PRRG4: variants seen among roughly 807,000 people sequenced by gnomAD.
PRRG4 encodes proline rich and Gla domain 4.
A neutral mutation model predicts 20.0 loss-of-function variants in PRRG4; 12 were observed. The observed-to-expected ratio is 0.60, with a 90% CI of 0.38 to 0.97. The LOEUF (loss-of-function observed/expected upper bound fraction) is 0.97, where lower values mean the gene tolerates loss of function less well. Among genes scored for constraint, PRRG4 ranks in the 50% least tolerant of loss-of-function variants. The pLI is 0.00. For synonymous variants in PRRG4, 94 were observed against 96.4 expected (o/e 0.98, Z 0.15); for missense variants, 199 against 265.1 (o/e 0.75, Z 1.73).
At chr11:32,834,078 G>T (rs944382629) in intron 2 of PRRG4, among the ~76,000 whole-genome samples, 1 of 152,188 alleles carries the variant, frequency 6.6e-6, no homozygotes, top group Non-Finnish European at 1.5e-5. Flanking sequence ...GGGAGATGAG[G>T]TTAGAGAGGT....
In PRRG4 at chr11:32,857,841, TG is replaced by T. The variant is rs1851239179; in HGVS notation, c.*4316del. The T allele has an allele frequency of 6.6e-6, 1 of 152,214 alleles. No homozygotes were observed. The highest frequency in any genetic ancestry group is 1.5e-5 in the Non-Finnish European group (1 of 68,030). The allele number at this position is 152,214 out of a possible 1,614,324, so 9.4% of individuals were successfully genotyped here. A position where few individuals can be genotyped will look rare whatever the true frequency, so the allele number is the denominator to read the frequency against. ...GATTCTTTTGTAGATTCTGCCTGTG[TG>T]GTCATTTTAAAACATGTGTGACATA... On this transcript the variant is annotated 3_prime_UTR_variant, in exon 6 of 6. Transcript: ENST00000257836.
rs1851231334 is a variant in PRRG4, at chr11:32,856,943, C to T, written c.*3416C>T. ...AACTTCGGGGCTCAAGCAATCCTCCCACCTCAGCCTCCTAAGTAGCTGGGA... is the reference window on the plus strand; with the variant it reads ...AACTTCGGGGCTCAAGCAATCCTCCTACCTCAGCCTCCTAAGTAGCTGGGA... On this transcript the variant is annotated 3_prime_UTR_variant, in exon 6 of 6. Transcript: ENST00000257836. 6.6e-6 allele frequency: 1 copy of T among 152,232 alleles called. No homozygotes were observed. Among genetic ancestry groups the T allele is most frequent in the African/African-American group, 2.4e-5 (1 of 41,340 alleles). 9.4% of individuals were successfully genotyped at this position (152,232 alleles called of 1,614,324 possible).
chr11:32,841,590 G>C (rs937683809), intron 5 of PRRG4, among the ~76,000 whole-genome samples: 2 of 152,152 alleles, frequency 1.3e-5, no homozygotes, highest in East Asian at 3.8e-4. Context: ...CTTGAGGCCA[G>C]GAGTTCAAGA....
At chr11:32,847,200 C>A (rs773355562) in intron 5 of PRRG4, among the ~76,000 whole-genome samples, 8 of 151,734 alleles carry the variant, frequency 5.3e-5, no homozygotes, top group Non-Finnish European at 8.8e-5. Flanking sequence ...AGTGCAATGG[C>A]AAATTACAGG....
chr11:32,834,499 C>G (rs1198194250), intron 2 of PRRG4, among the ~76,000 whole-genome samples: 1 of 152,078 alleles, frequency 6.6e-6, no homozygotes, highest in Non-Finnish European at 1.5e-5. Context: ...TTCAAATAGC[C>G]CCTATCTATT....
rs941279477 is a variant in PRRG4 at position 32,854,822 on chromosome 11, T to A, written c.*1295T>A. On this transcript the variant is annotated 3_prime_UTR_variant, in exon 6 of 6. Transcript: ENST00000257836. ...GTAGTTTTCTTCTTCTAAAAAATAC[T>A]ATTTGCTATGAAGTTAGTTCTTCAG... 17 of 152,224 alleles carry A rather than the reference T, an allele frequency of 1.1e-4. No individual in the cohort carries two copies. The highest frequency in any genetic ancestry group is 1.4e-4 in the African/African-American group (6 of 41,456). 9.4% of individuals were successfully genotyped at this position (152,224 alleles called of 1,614,324 possible).
intron 3 of PRRG4, 81 bp from the exon 4 acceptor site, chr11:32,838,801 C>T: frequency 3.0e-6 from 3 of 997,776 alleles, no homozygotes; most frequent in Admixed American, 1.7e-5. Flanking sequence ...AGTTTACTAC[C>T]CCTAGTCTAG....
chr11:32,852,772 CTTTTTTT>C (rs531547410), intron 5 of PRRG4, among the ~76,000 whole-genome samples: 1 of 126,702 alleles, frequency 7.9e-6, no homozygotes. Context: ...TCAGATTTCT[CTTTTTTT>C]TTTTTTTTTT....
intron 5 of PRRG4, among the ~76,000 whole-genome samples, chr11:32,845,748 C>T (rs1851124291): frequency 6.6e-6 from 1 of 151,932 alleles, no homozygotes; most frequent in African/African-American, 2.4e-5. Flanking sequence ...GAGGAATTAA[C>T]TAGGAAGGGG....
rs1333890531 is a variant in PRRG4, at chr11:32,856,441, T to C, written c.*2914T>C. 6.6e-6 allele frequency: 1 copy of C among 152,234 alleles called. No individual in the cohort carries two copies. Among genetic ancestry groups the C allele is most frequent in the Non-Finnish European group, 1.5e-5 (1 of 68,038 alleles). The allele number at this position is 152,234 out of a possible 1,614,324, so 9.4% of individuals were successfully genotyped here. On this transcript the variant is annotated 3_prime_UTR_variant, in exon 6 of 6. Transcript: ENST00000257836. Reference sequence around the variant, plus strand: ...GATAGAACTGTTATTGACAAATGCTTATAATGATTGAAGGGAAAGTATCTC... The same window carrying C: ...GATAGAACTGTTATTGACAAATGCTCATAATGATTGAAGGGAAAGTATCTC...
chr11:32,833,813 T>C (rs1177332710), intron 2 of PRRG4, among the ~76,000 whole-genome samples: 1 of 151,544 alleles, frequency 6.6e-6, no homozygotes, highest in African/African-American at 2.4e-5. Flanking sequence ...AACAGAGTGG[T>C]AACAAATAAG....
At chr11:32,841,691 T>A (rs1462060730) in intron 5 of PRRG4, among the ~76,000 whole-genome samples, 1 of 152,014 alleles carries the variant, frequency 6.6e-6, no homozygotes, top group Non-Finnish European at 1.5e-5. Flanking sequence ...GAGGCTGTAG[T>A]CTCATCTGCT....
chr11:32,841,586 G>A (rs1276737142), intron 5 of PRRG4, among the ~76,000 whole-genome samples: 2 of 152,030 alleles, frequency 1.3e-5, no homozygotes, highest in Non-Finnish European at 2.9e-5. Context: ...ATCACTTGAG[G>A]CCAGGAGTTC....
intron 5 of PRRG4, among the ~76,000 whole-genome samples, chr11:32,843,096 G>T (rs1195534441): frequency 5.9e-5 from 9 of 151,994 alleles, no homozygotes; most frequent in African/African-American, 1.9e-4. Context: ...ATCTGCTTCG[G>T]CCTCCCAAAG....
At chr11:32,832,129 C>T (rs1338763237) in intron 2 of PRRG4, among the ~76,000 whole-genome samples, 4 of 152,100 alleles carry the variant, frequency 2.6e-5, no homozygotes, top group South Asian at 2.1e-4. Context: ...ATGAGGGATC[C>T]GACACATTTG....
intron 5 of PRRG4, among the ~76,000 whole-genome samples, chr11:32,841,240 G>T (rs1046073140): frequency 6.6e-6 from 1 of 152,016 alleles, no homozygotes; most frequent in Admixed American, 6.6e-5. Flanking sequence ...CAGTGTTTTT[G>T]TATCCCTCCA....
Position 32,840,559 on chromosome 11 carries a change from T to G in PRRG4, c.449+320T>G, listed in dbSNP as rs909902733. On this transcript the variant is annotated intron_variant, in intron 5 of 5. Coordinates refer to ENST00000257836, the MANE Select transcript of PRRG4 (RefSeq NM_024081.6). The surrounding 1 kb of genome is among the most constrained non-coding windows in gnomAD (Gnocchi z 4.1). ...CTGGTGTTTTCCTTCTGCTGCAGGA[T>G]CCAGTCAAGTTACCACATTGCATTT... 3.9e-5 allele frequency among the ~76,000 whole-genome samples: 6 copies of G among 152,206 alleles called. No homozygotes were observed. The highest frequency in any genetic ancestry group is 1.4e-4 in the African/African-American group (6 of 41,456).
At chr11:32,841,279 A>C (rs1004666806) in intron 5 of PRRG4, among the ~76,000 whole-genome samples, 3 of 152,220 alleles carry the variant, frequency 2.0e-5, no homozygotes, top group African/African-American at 7.2e-5. Flanking sequence ...TTTATCATAT[A>C]TATTAGAAGA....
chr11:32,830,516 A>C lies in PRRG4; in HGVS notation c.-14A>C. On this transcript the variant is annotated 5_prime_UTR_variant, in exon 2 of 6. An upstream open reading frame in the 5' UTR loses its in-frame stop. Transcript: ENST00000257836. The stretch of plus-strand genomic sequence containing the variant: ...TTTTTTGTTTGTTTTAGTTTGTTTG[A>C]CAGTTGCCAGACTATGTTTACGCTT... 6.5e-7 allele frequency: 1 copy of C among 1,533,562 alleles called. No homozygotes were observed. The highest frequency in any genetic ancestry group is 8.7e-7 in the Non-Finnish European group (1 of 1,147,376). 95.0% of individuals were successfully genotyped at this position (1,533,562 alleles called of 1,614,324 possible). A position where few individuals can be genotyped will look rare whatever the true frequency, so the allele number is the denominator to read the frequency against.
Sources: gnomAD v4.1 joint callset for allele counts (sites outside exome capture counted in the v4.1 genomes callset) on GRCh38, gnomAD v4.1.1 for gene constraint, Gnocchi (gnomAD v3.1) non-coding constraint, MANE v1.5 for transcripts, NCBI Gene and HGNC (gene_info 2026-07-23, HGNC 2026-07-21) for gene names.